ARF4: variants seen among roughly 807,000 people sequenced by gnomAD.
The protein encoded by ARF4 is ARF GTPase 4.
A neutral mutation model predicts 24.3 loss-of-function variants in ARF4; 5 were observed. The observed-to-expected ratio is 0.21, with a 90% CI of 0.11 to 0.43. ARF4 has a LOEUF of 0.43. ARF4 is among the 20% of genes least tolerant of loss of function. The pLI is 1.00. For synonymous variants in ARF4, 62 were observed against 73.5 expected (o/e 0.84, Z 0.80); for missense variants, 107 against 213.0 (o/e 0.50, Z 3.10).
At chr3:57,575,705 C>T (rs1200456398) in intron 4 of ARF4, 32 bp from the exon 5 acceptor site, 1 of 1,572,718 alleles carries the variant, frequency 6.4e-7, no homozygotes, top group Non-Finnish European at 8.6e-7. Context: ...TTAACAACTA[C>T]CAACCGGAAT....
rs377522635 is a variant in ARF4 at position 57,586,392 on chromosome 3, G to A, written c.68-1928C>T. Among the ~76,000 whole-genome samples the A allele has an allele frequency of 2.0e-5, 3 of 152,190 alleles. No individual in the cohort carries two copies. The South Asian group carries it at 6.2e-4, about 31-fold the overall frequency. On this transcript the variant is annotated intron_variant, in intron 1 of 5. Coordinates refer to ENST00000303436, the MANE Select transcript of ARF4 (RefSeq NM_001660.4). ...TTATCTAATTTACATTCCTATGCAA[G>A]TAAGTCTATCTTTTATCAGTTAGTC...
At chr3:57,583,805 A>G (rs2070004509) in intron 3 of ARF4, 93 bp downstream of exon 3, 2 of 866,842 alleles carry the variant, frequency 2.3e-6, no homozygotes, top group African/African-American at 3.5e-5. Context: ...CTCATAGTAA[A>G]CACCAATATC....
intron 1 of ARF4, among the ~76,000 whole-genome samples, chr3:57,594,424 A>G (rs968614473): frequency 2.4e-4 from 36 of 152,202 alleles, no homozygotes; most frequent in African/African-American, 7.5e-4. Flanking sequence ...AGTATGGGCA[A>G]TATCATCACT....
chr3:57,595,309 A>G (rs1348013065), intron 1 of ARF4, among the ~76,000 whole-genome samples: 4 of 152,236 alleles, frequency 2.6e-5, no homozygotes, highest in Admixed American at 2.6e-4. Flanking sequence ...CTGGAACATA[A>G]CCATATATTG....
Position 57,575,540 on chromosome 3 carries a change from ATACT to A in ARF4, c.456+4_456+7del. 1.2e-6 allele frequency: 2 copies of A among 1,607,808 alleles called. No individual in the cohort carries two copies. The highest frequency in any genetic ancestry group is 1.7e-6 in the Non-Finnish European group (2 of 1,177,950). On this transcript the variant is annotated splice_donor_5th_base_variant and intron_variant, in intron 5 of 5. Transcript: ENST00000303436. Reference sequence around the variant, plus strand: ...TCAAGAGGTTAATATCAACCTCCAAATACTTACTGTTCTGTTACGAAGAGACTGA... The same window carrying A: ...TCAAGAGGTTAATATCAACCTCCAAATACTGTTCTGTTACGAAGAGACTGA...
At chr3:57,584,756 T>C (rs1395807328) in intron 1 of ARF4, among the ~76,000 whole-genome samples, 1 of 152,014 alleles carries the variant, frequency 6.6e-6, no homozygotes, top group East Asian at 1.9e-4. Flanking sequence ...TGAGTGACTT[T>C]AGGACACTGA....
chr3:57,574,863 T>C (rs1323189499), intron 5 of ARF4, among the ~76,000 whole-genome samples: 2 of 145,506 alleles, frequency 1.4e-5, no homozygotes, highest in Non-Finnish European at 3.0e-5. Context: ...CCACTTTTTT[T>C]TTGAGACCGA....
At chr3:57,584,503 A>C in intron 1 of ARF4, 39 bp from the exon 2 acceptor site, 1 of 1,500,336 alleles carries the variant, frequency 6.7e-7, no homozygotes, top group Non-Finnish European at 9.2e-7. Context: ...CCAGACCAAA[A>C]GCACACTCCA....
At chr3:57,591,129 G>A (rs936600974) in intron 1 of ARF4, among the ~76,000 whole-genome samples, 8 of 152,148 alleles carry the variant, frequency 5.3e-5, no homozygotes, top group Non-Finnish European at 1.5e-5. Context: ...TAGTGGGGAT[G>A]TAAACGAGGA....
At chr3:57,581,995 A>G (rs1327986082) in intron 3 of ARF4, among the ~76,000 whole-genome samples, 1 of 152,168 alleles carries the variant, frequency 6.6e-6, no homozygotes, top group Non-Finnish European at 1.5e-5. Context: ...AACATAACAA[A>G]GAAAAAACTC....
intron 1 of ARF4, among the ~76,000 whole-genome samples, chr3:57,586,189 T>C (rs2070034403): frequency 6.6e-6 from 1 of 152,238 alleles, no homozygotes; most frequent in African/African-American, 2.4e-5. Context: ...TCATTGAATC[T>C]ATCATTGTTC....
intron 3 of ARF4, among the ~76,000 whole-genome samples, chr3:57,581,328 C>T (rs1274689693): frequency 6.6e-6 from 1 of 152,142 alleles, no homozygotes; most frequent in African/African-American, 2.4e-5. Flanking sequence ...GGAAGCAGTA[C>T]TTAGACTTTT....
At chr3:57,588,166 G>A (rs1489327010) in intron 1 of ARF4, among the ~76,000 whole-genome samples, 2 of 152,050 alleles carry the variant, frequency 1.3e-5, no homozygotes, top group South Asian at 2.1e-4. Flanking sequence ...CCTCCCCTCC[G>A]TGTCCAGAAA....
In ARF4 at chr3:57,587,439, C is replaced by A. The variant is rs79455221; in HGVS notation, c.68-2975G>T. On this transcript the variant is annotated intron_variant, in intron 1 of 5. Transcript: ENST00000303436. ...ATTATACAAAAGCATGTAGGTAATC[C>A]AAGTTTTCTTTTAATAGGTTTTATA... 2.7e-3 allele frequency among the ~76,000 whole-genome samples: 405 copies of A among 151,018 alleles called. 6 individuals are homozygous for A. The highest frequency in any genetic ancestry group is 9.6e-3 in the African/African-American group (394 of 41,188).
chr3:57,575,695 T>C (rs1389920783), intron 4 of ARF4, 22 bp from the exon 5 acceptor site: 13 of 1,594,538 alleles, frequency 8.2e-6, no homozygotes, highest in Non-Finnish European at 1.1e-5. Context: ...AGGTAAGGCA[T>C]TAACAACTAC....
chr3:57,590,552 G>A (rs1440944531), intron 1 of ARF4, among the ~76,000 whole-genome samples: 1 of 152,160 alleles, frequency 6.6e-6, no homozygotes, highest in Non-Finnish European at 1.5e-5. Flanking sequence ...GCAGAAAGGA[G>A]TAAGACTGGA....
intron 1 of ARF4, among the ~76,000 whole-genome samples, chr3:57,588,340 G>A (rs970227223): frequency 7.2e-5 from 11 of 152,152 alleles, no homozygotes; most frequent in Admixed American, 1.3e-4. Flanking sequence ...TGAGGCAGGC[G>A]GATCGCTTGA....
At chr3:57,573,016 C>T (rs551183868) in intron 5 of ARF4, among the ~76,000 whole-genome samples, 6 of 151,812 alleles carry the variant, frequency 4.0e-5, no homozygotes, top group Non-Finnish European at 7.4e-5. Flanking sequence ...TCCTGGCTAA[C>T]GCAGTGAAAC....
At chr3:57,594,135 A>C (rs11709712) in intron 1 of ARF4, among the ~76,000 whole-genome samples, 113,756 of 151,976 alleles carry the variant, frequency 0.75, 44,675 homozygotes, top group East Asian at 1. Context: ...GGGCGCTTGT[A>C]ATCCCAGCTA....
Sources: allele counts gnomAD v4.1 joint callset (sites outside exome capture counted in the v4.1 genomes callset), GRCh38; gene constraint gnomAD v4.1.1; transcripts MANE v1.5; gene names NCBI Gene and HGNC (gene_info 2026-07-23, HGNC 2026-07-21).